SYNE1: variants seen among roughly 807,000 people sequenced by gnomAD.
SYNE1 encodes the protein spectrin repeat containing nuclear envelope protein 1, also known as nesprin-1.
In SYNE1, 616 loss-of-function variants were observed where a neutral mutation model predicts 1,111.0. That is an observed-to-expected ratio of 0.55 (90% confidence interval 0.52 to 0.59). The LOEUF is 0.59. Among genes scored for constraint, SYNE1 ranks in the 20% least tolerant of loss-of-function variants. The probability of loss-of-function intolerance (pLI) is 0.00; values close to 1 mark genes in which losing one functional copy is unlikely to be tolerated. For synonymous variants in SYNE1, 3,855 were observed against 3,825.8 expected (o/e 1.01, Z -0.28); for missense variants, 10,006 against 10,417.0 (o/e 0.96, Z 1.72).
At chr6:152,342,294 A>G (rs1337347976) in intron 74 of SYNE1, among the ~76,000 whole-genome samples, 3 of 152,248 alleles carry the variant, frequency 2.0e-5, no homozygotes, top group African/African-American at 7.2e-5. Context: ...GAGGAGAAAG[A>G]TTAAGTGTTG....
chr6:152,615,646 G>A (rs1583476860), intron 3 of SYNE1, among the ~76,000 whole-genome samples: 2 of 152,182 alleles, frequency 1.3e-5, no homozygotes, highest in African/African-American at 4.8e-5. Context: ...TGCATTTCCA[G>A]TCTGATTAAA....
Position 152,458,897 on chromosome 6 carries a change from A to T in SYNE1, c.2428T>A (p.Ser810Thr). 1 of 1,614,004 alleles carries T rather than the reference A, an allele frequency of 6.2e-7. No homozygotes were observed. Among genetic ancestry groups the T allele is most frequent in the South Asian group, 1.1e-5 (1 of 91,068 alleles). Residue 810 changes from serine to threonine, a missense_variant, in exon 22 of 146, where the codon TCT becomes ACT. Transcript: ENST00000367255. ...KECYSPLLYE[S>T]QQLLIPLEEL... is the part of the protein sequence containing the mutation. The stretch of plus-strand genomic sequence containing the variant: ...TCCAACGGAATCAACAGCTGCTGAG[A>T]CTCATAAAGGAGTGGGGAGTAACAT...
Position 152,318,863 on chromosome 6 carries a change from C to G in SYNE1, c.16389G>C (p.Lys5463Asn), listed in dbSNP as rs745857717. The G allele has an allele frequency of 6.2e-7, 1 of 1,614,018 alleles. No homozygotes were observed. ...DNVVQAKTDQ[K>N]VLGEELDGCN... ...TACCCTTTAAAATTCTACTTCTTACCTTTTGGTCAGTTTTAGCTTGAACTA... is the reference window on the plus strand; with the variant it reads ...TACCCTTTAAAATTCTACTTCTTACGTTTTGGTCAGTTTTAGCTTGAACTA... Residue 5463 changes from lysine to asparagine, a missense_variant and splice_region_variant, in exon 85 of 146, where the codon AAG (lysine) becomes AAC (asparagine). Physicochemically the swap from Lys to Asn is moderately conservative, Grantham distance 94 (BLOSUM62 0). Transcript: ENST00000367255.
intron 9 of SYNE1, among the ~76,000 whole-genome samples, chr6:152,504,768 A>G (rs989041535): frequency 1.3e-5 from 2 of 152,228 alleles, no homozygotes; most frequent in African/African-American, 4.8e-5. Flanking sequence ...AATGACAAAT[A>G]TTAGTCAAAC....
chr6:152,141,376 G>A, intron 138 of SYNE1, 47 bp from the exon 139 acceptor site: 1 of 1,611,322 alleles, frequency 6.2e-7, no homozygotes, highest in Non-Finnish European at 8.5e-7. Context: ...ATCTTCATGA[G>A]TGCAAAAGCT....
intron 129 of SYNE1, among the ~76,000 whole-genome samples, chr6:152,178,117 C>T (rs1031614873): frequency 2.0e-5 from 3 of 151,962 alleles, no homozygotes; most frequent in East Asian, 1.9e-4. Flanking sequence ...AACATTGTGC[C>T]AAACAATGTA....
chr6:152,572,948 G>T (rs2128323836), intron 3 of SYNE1, among the ~76,000 whole-genome samples: 1 of 152,214 alleles, frequency 6.6e-6, no homozygotes, highest in South Asian at 2.1e-4. Flanking sequence ...AACATTTTAG[G>T]AATGTAAACA....
intron 128 of SYNE1, among the ~76,000 whole-genome samples, chr6:152,189,000 T>TATATATATATATATATATATATA (rs1563336394): frequency 1.7e-5 from 2 of 117,342 alleles, no homozygotes; most frequent in Non-Finnish European, 1.7e-5. Context: ...TATATATATA[T>TATATATATATATATATATATATA]ATATATATAT....
intron 97 of SYNE1, among the ~76,000 whole-genome samples, chr6:152,280,015 T>C (rs1003011028): frequency 2.0e-5 from 3 of 152,210 alleles, no homozygotes; most frequent in African/African-American, 4.8e-5. Context: ...TTCCGAATCA[T>C]GTAAGTCTTT....
At chr6:152,338,625 C>G (rs890488524) in intron 75 of SYNE1, among the ~76,000 whole-genome samples, 10 of 152,092 alleles carry the variant, frequency 6.6e-5, no homozygotes, top group Non-Finnish European at 1.2e-4. Context: ...AATAAAGAAA[C>G]AAACAAACAA....
chr6:152,320,145 G>A (rs1436958239), intron 84 of SYNE1: 1 of 152,176 alleles, frequency 6.6e-6, no homozygotes, highest in African/African-American at 2.4e-5. Context: ...GGGACAGAGC[G>A]AGACTCTGTC....
intron 50 of SYNE1, 88 bp from the exon 51 acceptor site, chr6:152,395,759 A>G: frequency 7.0e-7 from 1 of 1,434,110 alleles, no homozygotes; most frequent in Non-Finnish European, 9.8e-7. Context: ...TGTCTTTTAA[A>G]TGGCAATTAA....
chr6:152,236,746 C>T, intron 109 of SYNE1, 71 bp downstream of exon 109: 2 of 1,567,716 alleles, frequency 1.3e-6, no homozygotes, highest in Admixed American at 1.7e-5. Flanking sequence ...TAATTGATCA[C>T]AAGTTTGTTT....
intron 125 of SYNE1, among the ~76,000 whole-genome samples, chr6:152,206,673 A>G (rs1205521853): frequency 6.6e-6 from 1 of 152,200 alleles, no homozygotes; most frequent in Non-Finnish European, 1.5e-5. Flanking sequence ...TCCTCAAAGC[A>G]GTAAAGGCTG....
intron 77 of SYNE1, 29 bp from the exon 78 acceptor site, chr6:152,331,919 A>G (rs1271379104): frequency 1.2e-6 from 2 of 1,605,640 alleles, no homozygotes; most frequent in Non-Finnish European, 1.7e-6. Context: ...GTATAAGAGC[A>G]AATTAGCTGT....
intron 117 of SYNE1, among the ~76,000 whole-genome samples, chr6:152,222,607 T>C (rs1432722451): frequency 6.6e-6 from 1 of 152,252 alleles, no homozygotes; most frequent in Non-Finnish European, 1.5e-5. Context: ...TATGTTTACA[T>C]TGTGGAATGA....
intron 124 of SYNE1, 82 bp downstream of exon 124, chr6:152,211,412 T>C: frequency 1.7e-6 from 2 of 1,148,724 alleles, no homozygotes; most frequent in East Asian, 4.8e-5. Context: ...AGATTGGATA[T>C]ATGCCCTCCA....
chr6:152,409,398 T>C lies in SYNE1; in HGVS notation c.6381+161A>G, dbSNP rs148365182. On this transcript the variant is annotated intron_variant, in intron 43 of 145. Transcript: ENST00000367255. ...ACACCATTTTCTTGAATTGCTAGAA[T>C]CCTAGAATGTCAGCATTCCTAGGGG... The C allele has an allele frequency of 1.5e-4, 166 of 1,127,190 alleles. No individual in the cohort carries two copies. In the Middle Eastern group the frequency reaches 2.3e-3, roughly 16 times the overall value. 69.8% of individuals were successfully genotyped at this position (1,127,190 alleles called of 1,614,324 possible).
chr6:152,464,930 C>T (rs959032936), intron 18 of SYNE1: 57 of 383,178 alleles, frequency 1.5e-4, no homozygotes, highest in Non-Finnish European at 2.4e-4. Flanking sequence ...TTCAGCACTA[C>T]GTGAAAACAA....
Sources: allele counts gnomAD v4.1 joint callset (sites outside exome capture counted in the v4.1 genomes callset), GRCh38; gene constraint gnomAD v4.1.1; transcripts MANE v1.5; gene names NCBI Gene and HGNC (gene_info 2026-07-23, HGNC 2026-07-21).